Variants in SPC25 observed in about 807,000 individuals in gnomAD.
SPC25 encodes the protein kinetochore protein Spc25.
Under a neutral mutation model 29.6 loss-of-function variants are expected in SPC25, and 22 were observed. The ratio of observed to expected loss-of-function variants is 0.74; its 90% CI spans 0.53 to 1.06. The LOEUF (loss-of-function observed/expected upper bound fraction) is 1.06, where lower values mean the gene tolerates loss of function less well. Ranked by LOEUF, SPC25 falls within the 50% of genes least tolerant of loss-of-function variation. The probability of loss-of-function intolerance (pLI) is 0.00; values close to 1 mark genes in which losing one functional copy is unlikely to be tolerated. For synonymous variants in SPC25, 91 were observed against 90.4 expected, an observed-to-expected ratio of 1.01 and a Z score of -0.04; for missense variants, 230 against 255.8, an observed-to-expected ratio of 0.90 and a Z score of 0.69.
At chr2:168,888,808 G>A (rs1335924864) in intron 3 of SPC25, among the ~76,000 whole-genome samples, 1 of 144,432 alleles carries the variant, frequency 6.9e-6, no homozygotes, top group African/African-American at 2.5e-5. Context: ...TAAATCTTTT[G>A]TAGAGACAGG....
In SPC25 at chr2:168,877,744, A is replaced by AT. The variant is rs200656850; in HGVS notation, c.200-361dup. On this transcript the variant is annotated intron_variant, in intron 3 of 6. Transcript: ENST00000282074. ...ACTCTATTATTTATTTTATTTTTATATTTTTTTGAAACAGGGTCTCACTGT... is the reference window on the plus strand; with the variant it reads ...ACTCTATTATTTATTTTATTTTTATATTTTTTTTGAAACAGGGTCTCACTGT... Among the ~76,000 whole-genome samples, 176 of 152,100 alleles carry AT rather than the reference A, an allele frequency of 1.2e-3. 5 individuals carry two copies. The East Asian group carries it at 0.032, about 28-fold the overall frequency.
At chr2:168,888,976 C>T (rs1175643451) in intron 3 of SPC25, among the ~76,000 whole-genome samples, 39 of 126,678 alleles carry the variant, frequency 3.1e-4, no homozygotes, top group African/African-American at 1.1e-3. Context: ...TATATATACA[C>T]ACACACATAT....
At chr2:168,866,358 C>T (rs970087091), downstream of SPC25, among the ~76,000 whole-genome samples, 5 of 152,252 alleles carry the variant, frequency 3.3e-5, no homozygotes, top group African/African-American at 1.2e-4. Flanking sequence ...ACAAACCTGA[C>T]AAAAACAAGC....
At chr2:168,864,574 C>T (rs990143827) in intron 4 of SPC25, among the ~76,000 whole-genome samples, 8 of 152,332 alleles carry the variant, frequency 5.3e-5, no homozygotes, top group Admixed American at 3.3e-4. Flanking sequence ...CGTCACCCAC[C>T]ACGCCCAGCC....
intron 4 of SPC25, among the ~76,000 whole-genome samples, chr2:168,863,866 G>GAAATAT (rs1054769770): frequency 6.6e-6 from 1 of 152,014 alleles, no homozygotes; most frequent in African/African-American, 2.4e-5. Flanking sequence ...CATAGAAATA[G>GAAATAT]AAAGTGAGCC....
chr2:168,887,237 A>C (rs1479289679), intron 3 of SPC25, among the ~76,000 whole-genome samples: 1 of 152,054 alleles, frequency 6.6e-6, no homozygotes, highest in African/African-American at 2.4e-5. Context: ...CCTGGCTAAC[A>C]CGGTGAAACC....
At chr2:168,865,267 A>C (rs1261559454) in intron 4 of SPC25, 1 of 265,698 alleles carries the variant, frequency 3.8e-6, no homozygotes, top group Admixed American at 4.9e-5. Context: ...ACGGAGTCCA[A>C]GGTGGGTTCA....
chr2:168,888,029 A>G lies in SPC25; in HGVS notation c.199+1197T>C, dbSNP rs114374100. The stretch of plus-strand genomic sequence containing the variant: ...CATGGTGGCTCACACCCGAAATCCT[A>G]GCACTTTGGGCAGCCAAAGTGAGCG... On this transcript the variant is annotated intron_variant, in intron 3 of 6. Transcript: ENST00000282074. Among the ~76,000 whole-genome samples, 1,241 of 152,350 alleles carry G rather than the reference A, an allele frequency of 8.1e-3. 20 individuals are homozygous for G. The highest frequency in any genetic ancestry group is 0.029 in the African/African-American group (1,201 of 41,582).
downstream of SPC25, among the ~76,000 whole-genome samples, chr2:168,865,961 T>C (rs919178655): frequency 3.3e-5 from 5 of 152,226 alleles, no homozygotes; most frequent in African/African-American, 9.7e-5. Context: ...CACTGCTCAA[T>C]GAAATAAAAG....
At chr2:168,888,655 G>C (rs938340079) in intron 3 of SPC25, among the ~76,000 whole-genome samples, 1 of 151,824 alleles carries the variant, frequency 6.6e-6, no homozygotes, top group African/African-American at 2.4e-5. Flanking sequence ...GTGTAACATA[G>C]GATGTTCTTT....
At chr2:168,865,825 A>C (rs554129197) in intron 4 of SPC25, among the ~76,000 whole-genome samples, 2 of 152,210 alleles carry the variant, frequency 1.3e-5, no homozygotes, top group African/African-American at 2.4e-5. Flanking sequence ...ATATACACCA[A>C]TAACAGACAA....
Position 168,863,579 on chromosome 2 carries a change from T to C in SPC25, n.419+10006A>G, listed in dbSNP as rs140412762. 3.7e-5 allele frequency: 36 copies of C among 985,234 alleles called. No homozygotes were observed. The East Asian group carries it at 3.1e-3, about 84-fold the overall frequency. 61.0% of individuals were successfully genotyped at this position (985,234 alleles called of 1,614,324 possible). A position where few individuals can be genotyped will look rare whatever the true frequency, so the allele number is the denominator to read the frequency against. ...ATTTGAATCATTGCTTTAAAAAATA[T>C]TGTCTCCAAATTGATGTTGTATTAA... is the stretch of plus-strand genomic sequence containing the variant. On this transcript the variant is annotated intron_variant and non_coding_transcript_variant, in intron 4 of 4. Coordinates refer to the SPC25 transcript ENST00000479309.
chr2:168,865,011 A>G (rs1420103116), intron 4 of SPC25: 3 of 1,606,258 alleles, frequency 1.9e-6, no homozygotes, highest in Non-Finnish European at 2.6e-6. Context: ...TCGGTAATCA[A>G]CAATACAGTG....
At chr2:168,864,983 A>G (rs375288149) in intron 4 of SPC25, 98 of 1,613,526 alleles carry the variant, frequency 6.1e-5, no homozygotes, top group Non-Finnish European at 7.9e-5. Context: ...CAAGACTCTG[A>G]ACATACTACC....
At chr2:168,885,138 T>C (rs911228792) in intron 3 of SPC25, among the ~76,000 whole-genome samples, 1 of 152,190 alleles carries the variant, frequency 6.6e-6, no homozygotes, top group Non-Finnish European at 1.5e-5. Flanking sequence ...TCACCCAACA[T>C]GTTTAAAATT....
Position 168,876,150 on chromosome 2 carries a change from C to T in SPC25, c.373G>A (p.Ala125Thr). 1.3e-6 allele frequency: 2 copies of T among 1,570,828 alleles called. No homozygotes were observed. The change falls in exon 5 of 7, where the codon GCA becomes ACA. Residue 125 changes from alanine to threonine, a missense_variant. Ala to Thr is a moderately conservative substitution (Grantham distance 58). Coordinates refer to ENST00000282074, the MANE Select transcript of SPC25 (RefSeq NM_020675.4). The part of the protein sequence containing the change: ...ETISTANKAN[A>T]ERLKRLQKSA... ...TTCTGCAGCCTTTTCAACCTCTCTG[C>T]ATTCGCTTTATTAGCAGTAGAAATA...
intron 3 of SPC25, among the ~76,000 whole-genome samples, chr2:168,879,788 A>T (rs543727): frequency 0.25 from 38,285 of 152,106 alleles, 5,654 homozygotes; most frequent in East Asian, 0.56. Context: ...ATGAGACATG[A>T]AAGTCAAAAC....
intron 4 of SPC25, chr2:168,865,075 G>T: frequency 7.9e-7 from 1 of 1,260,148 alleles, no homozygotes; most frequent in Non-Finnish European, 1.1e-6. Flanking sequence ...CTTTTGAAAT[G>T]GATGGAGTTC....
chr2:168,871,247 C>T lies in SPC25; in HGVS notation c.*184G>A, dbSNP rs1689976360. ...GGGAGGGATAGCATTAGGAGATATACCTAATGAAATGACGAGTTAATGGGT... is the reference window on the plus strand; with the variant it reads ...GGGAGGGATAGCATTAGGAGATATATCTAATGAAATGACGAGTTAATGGGT... On this transcript the variant is annotated 3_prime_UTR_variant, in exon 7 of 7. Transcript: ENST00000282074. The T allele has an allele frequency of 2.5e-6, 1 of 403,840 alleles. No individual in the cohort carries two copies. The highest frequency in any genetic ancestry group is 4.3e-6 in the Non-Finnish European group (1 of 232,162). 25.0% of individuals were successfully genotyped at this position (403,840 alleles called of 1,614,324 possible).
Sources: allele counts gnomAD v4.1 joint callset (sites outside exome capture counted in the v4.1 genomes callset), GRCh38; gene constraint gnomAD v4.1.1; transcripts MANE v1.5; gene names NCBI Gene and HGNC (gene_info 2026-07-23, HGNC 2026-07-21).